The following ADH5 variants were observed in gnomAD, a reference collection of about 807,000 sequenced individuals.
ADH5 encodes the protein alcohol dehydrogenase 5 (class III), chi polypeptide.
ADH5 carries 32 observed loss-of-function variants against 40.3 expected under a neutral mutation model. The ratio of observed to expected loss-of-function variants is 0.79; its 90% CI spans 0.60 to 1.07. The LOEUF is 1.07. ADH5 is among the 50% of genes least tolerant of loss of function. The pLI is 0.00. For missense variants in ADH5, 353 were observed against 460.5 expected (o/e 0.77, Z 2.14); for synonymous variants, 125 against 154.3 (o/e 0.81, Z 1.41).
chr4:99,081,967 C>T lies in ADH5; in HGVS notation c.256+8G>A, dbSNP rs1728033192. The T allele has an allele frequency of 6.2e-7, 1 of 1,613,338 alleles. No individual in the cohort carries two copies. The highest frequency in any genetic ancestry group is 1.3e-5 in the African/African-American group (1 of 75,006). ...TTATTAAACAAGTGGTTCAAGTATT[C>T]TCCTTACCCGCCTTCAGCTTAGTAA... On this transcript the variant is annotated splice_region_variant and intron_variant, in intron 3 of 8. Transcript: ENST00000296412.
chr4:99,072,785 C>T, intron 7 of ADH5, 74 bp from the exon 8 acceptor site: 1 of 1,392,640 alleles, frequency 7.2e-7, no homozygotes, highest in Non-Finnish European at 9.8e-7. Flanking sequence ...GGACAAAAGG[C>T]ATTTAAAAGA....
intron 2 of ADH5, among the ~76,000 whole-genome samples, chr4:99,084,414 G>A (rs762389121): frequency 2.6e-5 from 4 of 152,184 alleles, no homozygotes; most frequent in Non-Finnish European, 4.4e-5. Flanking sequence ...CCAAAAGGCA[G>A]TCTCACCAGT....
At chr4:99,079,717 C>T in intron 4 of ADH5, 1 of 260,562 alleles carries the variant, frequency 3.8e-6, no homozygotes, top group Non-Finnish European at 7.5e-6. Context: ...GTGTTGTTAC[C>T]TAGTACAATA....
At position 99,074,952 on chromosome 4, in the gene ADH5, A is replaced by G. The variant is rs1727894726; in HGVS notation, c.923T>C (p.Leu308Pro). The change falls in exon 7 of 9, where the codon CTG becomes CCG. Residue 308 changes from leucine (L) to proline (P), a missense_variant. By Grantham distance (98) the Leu-to-Pro change is moderately conservative (BLOSUM62 -3). Coordinates refer to ENST00000296412, the MANE Select transcript of ADH5 (RefSeq NM_000671.4). ...GEEIATRPFQ[L>P]VTGRTWKGTA... ...GCCTTTCCATGTGCGACCTGTTACC[A>G]GCTGGAATGGACGAGTGGCAATTTC... is the stretch of plus-strand genomic sequence containing the variant. 2 of 1,613,158 alleles carry G rather than the reference A, an allele frequency of 1.2e-6. No homozygotes were observed. Among genetic ancestry groups the G allele is most frequent in the Non-Finnish European group, 8.5e-7 (1 of 1,179,450 alleles).
rs1471431138 is a variant in ADH5, at chr4:99,072,178, T to C, written c.*239A>G. 1 of 432,472 alleles carries C rather than the reference T, an allele frequency of 2.3e-6. No homozygotes were observed. The highest frequency in any genetic ancestry group is 4.2e-6 in the Non-Finnish European group (1 of 240,588). The allele number at this position is 432,472 out of a possible 1,614,324, so 26.8% of individuals were successfully genotyped here. A position where few individuals can be genotyped will look rare whatever the true frequency, so the allele number is the denominator to read the frequency against. On this transcript the variant is annotated 3_prime_UTR_variant, in exon 9 of 9. Transcript: ENST00000296412. ...ACAAATGTAGAAATTACTTTTATTATGTTAAAATATTCCTTAATAAACTAG... is the reference window on the plus strand; with the variant it reads ...ACAAATGTAGAAATTACTTTTATTACGTTAAAATATTCCTTAATAAACTAG...
chr4:99,074,946 G>C lies in ADH5; in HGVS notation c.929C>G (p.Thr310Arg). Reference sequence around the variant, plus strand: ...GGCAGTGCCTTTCCATGTGCGACCTGTTACCAGCTGGAATGGACGAGTGGC... The same window carrying C: ...GGCAGTGCCTTTCCATGTGCGACCTCTTACCAGCTGGAATGGACGAGTGGC... ...EIATRPFQLV[T>R]GRTWKGTAFG... Residue 310 changes from threonine to arginine, a missense_variant, in exon 7 of 9, where the codon ACA (threonine) becomes AGA (arginine). Physicochemically the swap from Thr to Arg is moderately conservative, Grantham distance 71 (BLOSUM62 -1). Coordinates refer to ENST00000296412, the MANE Select transcript of ADH5 (RefSeq NM_000671.4). The C allele has an allele frequency of 6.2e-7, 1 of 1,612,930 alleles. No homozygotes were observed. Among genetic ancestry groups the C allele is most frequent in the South Asian group, 1.1e-5 (1 of 90,934 alleles).
intron 5 of ADH5, 31 bp from the exon 6 acceptor site, chr4:99,076,583 A>G (rs1014211555): frequency 8.7e-6 from 14 of 1,603,212 alleles, no homozygotes; most frequent in African/African-American, 1.3e-5. Context: ...TAAAGTACTC[A>G]TTCTACCAGA....
chr4:99,071,922 TTCAAGA>T lies in ADH5; in HGVS notation c.*489_*494del, dbSNP rs1242971837. On this transcript the variant is annotated 3_prime_UTR_variant, in exon 9 of 9. Transcript: ENST00000296412. ...GTATGAACAAGGCACAGTACCTCCC[TTCAAGA>T]TAATATCACAGAAGCAGACTTGGGT... 1 of 156,244 alleles carries T rather than the reference TTCAAGA, an allele frequency of 6.4e-6. No homozygotes were observed. The highest frequency in any genetic ancestry group is 2.4e-5 in the African/African-American group (1 of 41,552). The allele number at this position is 156,244 out of a possible 1,614,324, so 9.7% of individuals were successfully genotyped here. A position where few individuals can be genotyped will look rare whatever the true frequency, so the allele number is the denominator to read the frequency against.
At position 99,071,088 on chromosome 4, in the gene ADH5, T is replaced by C. The variant is rs1229307223; in HGVS notation, c.*1329A>G. ...ACATATAAAACTGACAAATGATTGA[T>C]GTCTAGAATAAAAGAACTCCTAAAA... On this transcript the variant is annotated 3_prime_UTR_variant, in exon 9 of 9. Transcript: ENST00000296412. 6.6e-6 allele frequency: 1 copy of C among 152,236 alleles called. No homozygotes were observed. The highest frequency in any genetic ancestry group is 1.5e-5 in the Non-Finnish European group (1 of 68,040). 9.4% of individuals were successfully genotyped at this position (152,236 alleles called of 1,614,324 possible). A position where few individuals can be genotyped will look rare whatever the true frequency, so the allele number is the denominator to read the frequency against.
chr4:99,084,919 TAA>T (rs1489207206), intron 2 of ADH5, among the ~76,000 whole-genome samples, 194 bp downstream of exon 2: 2 of 152,192 alleles, frequency 1.3e-5, no homozygotes, highest in African/African-American at 2.4e-5. Context: ...AGATCAAAAC[TAA>T]AAGAGATGGA....
rs1001568899 is a variant in ADH5, at chr4:99,083,579, G to A, written c.115-1463C>T. The stretch of plus-strand genomic sequence containing the variant: ...CGCACCACTGCACTCCAGCCTGGGC[G>A]ACAGAGTGAAACTCTGTCTCCAAAA... On this transcript the variant is annotated intron_variant, in intron 2 of 8. Transcript: ENST00000296412. 8.0e-5 allele frequency among the ~76,000 whole-genome samples: 10 copies of A among 125,726 alleles called. No homozygotes were observed. In the South Asian group the frequency reaches 1.2e-3, roughly 15 times the overall value. 82.5% of individuals were successfully genotyped at this position (125,726 alleles called of 152,430 possible).
intron 4 of ADH5, among the ~76,000 whole-genome samples, chr4:99,078,463 G>A (rs1727968947): frequency 6.6e-6 from 1 of 152,060 alleles, no homozygotes; most frequent in Non-Finnish European, 1.5e-5. Context: ...GGAATGCAGT[G>A]GCACATCATG....
chr4:99,081,662 A>G, intron 3 of ADH5: 1 of 570,956 alleles, frequency 1.8e-6, no homozygotes, highest in South Asian at 2.7e-5. Context: ...TCTTTAAACA[A>G]TAACTGAAGA....
At chr4:99,077,807 T>G (rs1350791192) in intron 4 of ADH5, among the ~76,000 whole-genome samples, 1 of 152,240 alleles carries the variant, frequency 6.6e-6, no homozygotes, top group African/African-American at 2.4e-5. Flanking sequence ...AAATTACTTT[T>G]GCTATTCTAA....
In ADH5 at chr4:99,076,906, C is replaced by T. The variant is rs759227056; in HGVS notation, c.362G>A (p.Gly121Glu). 91 of 1,612,938 alleles carry T rather than the reference C, an allele frequency of 5.6e-5. No homozygotes were observed. Among genetic ancestry groups the T allele is most frequent in the Non-Finnish European group, 7.6e-5 (90 of 1,179,528 alleles). Reference protein sequence around the residue: ...CQKIRVTQGKGLMPDGTSRFT... With the variant: ...CQKIRVTQGKELMPDGTSRFT... The stretch of plus-strand genomic sequence containing the variant: ...TCTGCTGGTACCATCTGGCATTAAT[C>T]CTTTCCCTTGAGTGACTCTAAAGAA... Residue 121 changes from glycine to glutamate, a missense_variant, in exon 5 of 9, where the codon GGA becomes GAA. By Grantham distance (98) the Gly-to-Glu change is moderately conservative. Transcript: ENST00000296412.
rs1491513861 is a variant in ADH5 at position 99,081,843 on chromosome 4, G to GA, written c.256+131dup. 3.4e-6 allele frequency: 3 copies of GA among 884,728 alleles called. No homozygotes were observed. In the East Asian group the frequency reaches 8.1e-5, roughly 24 times the overall value. 54.8% of individuals were successfully genotyped at this position (884,728 alleles called of 1,614,324 possible). A position where few individuals can be genotyped will look rare whatever the true frequency, so the allele number is the denominator to read the frequency against. On this transcript the variant is annotated intron_variant, in intron 3 of 8. Coordinates refer to ENST00000296412, the MANE Select transcript of ADH5 (RefSeq NM_000671.4). ...CAAATATTTGTGCTTCCCAGATGAG[G>GA]AATCAACTTAATCTTGACAATCTAC...
chr4:99,076,834 G>A lies in ADH5; in HGVS notation c.434C>T (p.Thr145Ile), dbSNP rs750783054. 3 of 1,613,874 alleles carry A rather than the reference G, an allele frequency of 1.9e-6. No homozygotes were observed. Among genetic ancestry groups the A allele is most frequent in the Non-Finnish European group, 2.5e-6 (3 of 1,179,836 alleles). The change falls in exon 5 of 9, where the codon ACA becomes ATA. Residue 145 changes from threonine (T) to isoleucine (I), a missense_variant. Thr to Ile is a moderately conservative substitution (Grantham distance 89). Coordinates refer to ENST00000296412, the MANE Select transcript of ADH5 (RefSeq NM_000671.4). ...KTILHYMGTS[T>I]FSEYTVVADI... ...AGCCACAACTGTGTATTCAGAAAAT[G>A]TGCTGGTTCCCATGTAATGCAAAAT...
Position 99,085,107 on chromosome 4 carries a change from A to G in ADH5, c.114+8T>C, listed in dbSNP as rs921286736. The G allele has an allele frequency of 6.8e-7, 1 of 1,462,718 alleles. No individual in the cohort carries two copies. Among genetic ancestry groups the G allele is most frequent in the Non-Finnish European group, 9.1e-7 (1 of 1,094,804 alleles). The allele number at this position is 1,462,718 out of a possible 1,614,324, so 90.6% of individuals were successfully genotyped here. On this transcript the variant is annotated splice_region_variant and intron_variant, in intron 2 of 8. Transcript: ENST00000296412. ...CTTTTTTTCCCAGTGCCTTAAATGTATCATTACCTTGATTCGAACTTCATG... is the reference window on the plus strand; with the variant it reads ...CTTTTTTTCCCAGTGCCTTAAATGTGTCATTACCTTGATTCGAACTTCATG...
chr4:99,083,510 G>T (rs28730586), intron 2 of ADH5, among the ~76,000 whole-genome samples: 2 of 140,234 alleles, frequency 1.4e-5, no homozygotes, highest in African/African-American at 5.2e-5. Context: ...CGAAGCAGGA[G>T]AATTGCTTGA....
Sources: gnomAD v4.1 joint callset for allele counts (sites outside exome capture counted in the v4.1 genomes callset) on GRCh38, gnomAD v4.1.1 for gene constraint, MANE v1.5 for transcripts, NCBI Gene and HGNC (gene_info 2026-07-23, HGNC 2026-07-21) for gene names.